Variants in MYBPC2 observed in about 807,000 individuals in gnomAD.
MYBPC2 encodes myosin-binding protein C, fast-type.
A neutral mutation model predicts 137.0 loss-of-function variants in MYBPC2; 122 were observed. The ratio of observed to expected loss-of-function variants is 0.89; its 90% CI spans 0.77 to 1.03. MYBPC2 has a LOEUF of 1.03. MYBPC2 is among the 50% of genes least tolerant of loss of function. MYBPC2 has a pLI of 0.00. For missense variants in MYBPC2, 1,500 were observed against 1,534.4 expected (o/e 0.98, Z 0.37); for synonymous variants, 626 against 612.3 (o/e 1.02, Z -0.33).
At chr19:50,445,195 A>C (rs1050144092) in intron 11 of MYBPC2, among the ~76,000 whole-genome samples, 1 of 152,000 alleles carries the variant, frequency 6.6e-6, no homozygotes, top group African/African-American at 2.4e-5. Flanking sequence ...TGAAGAGAGA[A>C]GGGGAGAGTG....
intron 6 of MYBPC2, 57 bp downstream of exon 6, chr19:50,437,578 GA>G: frequency 6.3e-7 from 1 of 1,595,798 alleles, no homozygotes; most frequent in Non-Finnish European, 8.5e-7. Context: ...CTCTCCCTTG[GA>G]AGGGGAAAAA....
intron 4 of MYBPC2, 146 bp from the exon 5 acceptor site, chr19:50,436,471 G>C: frequency 3.9e-6 from 3 of 778,358 alleles, no homozygotes; most frequent in Non-Finnish European, 6.1e-6. Flanking sequence ...CTGGCCACCA[G>C]GTGCTGAGAC....
Position 50,459,385 on chromosome 19 carries a change from G to A in MYBPC2, c.2791+79G>A. On this transcript the variant is annotated intron_variant, in intron 23 of 27. Transcript: ENST00000357701. ...GATGGGGGAGGAGGTAAGAGATGAG[G>A]GGTGGGGAAGGAGGTGGGAGATGAA... 6 of 1,448,842 alleles carry A rather than the reference G, an allele frequency of 4.1e-6. No homozygotes were observed. The South Asian group carries it at 6.6e-5, about 16-fold the overall frequency. 89.7% of individuals were successfully genotyped at this position (1,448,842 alleles called of 1,614,324 possible).
At chr19:50,436,210 C>T (rs754538915) in intron 4 of MYBPC2, 50 bp downstream of exon 4, 8 of 1,547,558 alleles carry the variant, frequency 5.2e-6, no homozygotes, top group Non-Finnish European at 7.0e-6. Flanking sequence ...GGAGCTTGTG[C>T]AGGACATGCT....
intron 10 of MYBPC2, 35 bp downstream of exon 10, chr19:50,443,653 G>C (rs759897532): frequency 1.9e-6 from 3 of 1,611,856 alleles, no homozygotes; most frequent in Non-Finnish European, 2.5e-6. Context: ...CCTGGAGAGG[G>C]ACTGGAACTC....
intron 15 of MYBPC2, among the ~76,000 whole-genome samples, chr19:50,451,649 T>A (rs969584308): frequency 2.4e-5 from 3 of 124,760 alleles, no homozygotes; most frequent in East Asian, 2.4e-4. Flanking sequence ...GATCCCTGGG[T>A]ATGAGGGAGG....
chr19:50,451,318 C>T lies in MYBPC2; in HGVS notation c.1609+9C>T. 6.2e-7 allele frequency: 1 copy of T among 1,613,326 alleles called. No individual in the cohort carries two copies. The highest frequency in any genetic ancestry group is 8.5e-7 in the Non-Finnish European group (1 of 1,179,796). The stretch of plus-strand genomic sequence containing the variant: ...GTACGTTCCCAAGCAAGGTGAGCAC[C>T]ACGGGCTGCGCTGGGAGCGGGTCTG... On this transcript the variant is annotated intron_variant, in intron 15 of 27. Coordinates refer to ENST00000357701, the MANE Select transcript of MYBPC2 (RefSeq NM_004533.4).
Position 50,459,111 on chromosome 19 carries a change from G to A in MYBPC2, c.2596G>A (p.Gly866Arg), listed in dbSNP as rs1276047072. The A allele has an allele frequency of 1.3e-6, 2 of 1,558,512 alleles. No individual in the cohort carries two copies. The highest frequency in any genetic ancestry group is 1.7e-6 in the Non-Finnish European group (2 of 1,152,664). ...ACCCCGCCCCGCCCTCTCCCCGCAG[G>A]GAAAGCCCCGGCCCCAGGTGGTGTG... is the stretch of plus-strand genomic sequence containing the variant. ...EQLNLVVPFQ[G>R]KPRPQVVWTK... is the part of the protein sequence containing the mutation. The change falls in exon 23 of 28, where the codon GGA (glycine) becomes AGA (arginine). Residue 866 changes from glycine to arginine, a missense_variant and splice_region_variant. By Grantham distance (125) the Gly-to-Arg change is moderately radical. Transcript: ENST00000357701.
Position 50,459,200 on chromosome 19 carries a change from C to A in MYBPC2, c.2685C>A (p.Thr895=), listed in dbSNP as rs768665856. The A allele has an allele frequency of 4.3e-6, 7 of 1,610,204 alleles. No individual in the cohort carries two copies. The East Asian group carries it at 1.6e-4, about 36-fold the overall frequency. Residue 895 remains threonine (T), a synonymous_variant, in exon 23 of 28, where the codon ACC becomes ACA. Transcript: ENST00000357701. Reference sequence around the variant, plus strand: ...ACGTGCGGACCAGCGACTTCGACACCGTGTTCTTCGTGCGCCAGGCGGCCC... The same window carrying A: ...ACGTGCGGACCAGCGACTTCGACACAGTGTTCTTCGTGCGCCAGGCGGCCC... The part of the protein sequence containing the change: ...RVHVRTSDFD[T]VFFVRQAARS...
intron 11 of MYBPC2, among the ~76,000 whole-genome samples, chr19:50,444,749 G>A (rs1038023426): frequency 1.3e-5 from 2 of 151,438 alleles, no homozygotes; most frequent in Admixed American, 6.6e-5. Context: ...GCGTGTTGGC[G>A]GGCGCCTGTA....
In MYBPC2 at chr19:50,451,263, T is replaced by A. The variant is rs1385249857; in HGVS notation, c.1580-17T>A. ...GCTGAGTTTAGACCTAACTGTCCAG[T>A]CTTCTTTGTCTTGCAGAAATCAAGG... On this transcript the variant is annotated splice_polypyrimidine_tract_variant and intron_variant, in intron 14 of 27. Transcript: ENST00000357701. 1 of 1,613,488 alleles carries A rather than the reference T, an allele frequency of 6.2e-7. No homozygotes were observed. Among genetic ancestry groups the A allele is most frequent in the South Asian group, 1.1e-5 (1 of 91,048 alleles).
chr19:50,444,788 G>A (rs949348847), intron 11 of MYBPC2, among the ~76,000 whole-genome samples: 1 of 150,012 alleles, frequency 6.7e-6, no homozygotes, highest in African/African-American at 2.5e-5. Flanking sequence ...GCTGAGGCAG[G>A]AGAATGGCAT....
chr19:50,464,663 G>A lies in MYBPC2; in HGVS notation c.3415+131G>A. 3.7e-6 allele frequency: 4 copies of A among 1,093,972 alleles called. 1 individual carries two copies. The South Asian group carries it at 5.3e-5, about 14-fold the overall frequency. 67.8% of individuals were successfully genotyped at this position (1,093,972 alleles called of 1,614,324 possible). A position where few individuals can be genotyped will look rare whatever the true frequency, so the allele number is the denominator to read the frequency against. On this transcript the variant is annotated intron_variant, in intron 27 of 27. Transcript: ENST00000357701. ...GACCAGCCCTCTGGGAGGAGGACTG[G>A]GAAGCTGCTGTCCTGAAGGCAGCAC...
rs374275539 is a variant in MYBPC2 at position 50,461,610 on chromosome 19, T to C, written c.3000T>C (p.Asn1000=). 121 of 1,613,654 alleles carry C rather than the reference T, an allele frequency of 7.5e-5. No homozygotes were observed. The highest frequency in any genetic ancestry group is 8.7e-5 in the Non-Finnish European group (103 of 1,179,840). ...CTGTGTCCGACCTTATCGTGGGCAA[T>C]GAATACTATTTCCGAGTTTACACCG... The part of the protein sequence containing the change: ...SCTVSDLIVG[N]EYYFRVYTEN... Residue 1000 remains asparagine, a synonymous_variant, in exon 25 of 28, where the codon AAT becomes AAC. Coordinates refer to ENST00000357701, the MANE Select transcript of MYBPC2 (RefSeq NM_004533.4).
chr19:50,437,990 C>G (rs1178489480), intron 7 of MYBPC2, among the ~76,000 whole-genome samples: 5 of 152,090 alleles, frequency 3.3e-5, no homozygotes, highest in African/African-American at 1.2e-4. Context: ...CCCCTTAACC[C>G]ACCATTCTCA....
At chr19:50,433,813 C>A (rs759609742) in intron 1 of MYBPC2, among the ~76,000 whole-genome samples, 5 of 148,686 alleles carry the variant, frequency 3.4e-5, no homozygotes, top group Non-Finnish European at 7.4e-5. Flanking sequence ...CAGGGGCTCA[C>A]GCCTGTCATC....
At chr19:50,452,506 A>ATCTATCTATCTATC (rs1262357030) in intron 16 of MYBPC2, among the ~76,000 whole-genome samples, 2 of 78,354 alleles carry the variant, frequency 2.6e-5, no homozygotes, top group East Asian at 1.0e-3. Context: ...GTATGTATGT[A>ATCTATCTATCTATC]TGTATCTATC....
intron 20 of MYBPC2, among the ~76,000 whole-genome samples, chr19:50,456,229 TCATC>T (rs143679406): frequency 0.035 from 5,115 of 144,894 alleles, 210 homozygotes; most frequent in African/African-American, 0.097. Context: ...TTCCATCTAT[TCATC>T]CATCCATCCA....
intron 24 of MYBPC2, among the ~76,000 whole-genome samples, chr19:50,460,636 A>G (rs1477584351): frequency 6.6e-6 from 1 of 152,200 alleles, no homozygotes; most frequent in Admixed American, 6.6e-5. Flanking sequence ...TTAGCTCAGC[A>G]CAACGTCTTT....
Sources: gnomAD v4.1 joint callset for allele counts (sites outside exome capture counted in the v4.1 genomes callset) on GRCh38, gnomAD v4.1.1 for gene constraint, MANE v1.5 for transcripts, NCBI Gene and HGNC (gene_info 2026-07-23, HGNC 2026-07-21) for gene names.